The following FAM193B variants were observed in gnomAD, a reference collection of about 807,000 sequenced individuals.
FAM193B encodes the protein protein FAM193B.
A neutral mutation model predicts 70.7 loss-of-function variants in FAM193B; 27 were observed. The ratio of observed to expected loss-of-function variants is 0.38; its 90% CI spans 0.28 to 0.53. The LOEUF (loss-of-function observed/expected upper bound fraction) is 0.53. Ranked by LOEUF, FAM193B falls within the 20% of genes least tolerant of loss-of-function variation. The pLI is 0.81. For missense variants in FAM193B, 1,022 were observed against 1,072.5 expected, an observed-to-expected ratio of 0.95 and a Z score of 0.66; for synonymous variants, 448 against 436.0, an observed-to-expected ratio of 1.03 and a Z score of -0.34.
At position 177,536,504 on chromosome 5, in the gene FAM193B, G is replaced by T. The variant is rs1329757000; in HGVS notation, c.930C>A (p.Ser310=). 3.8e-6 allele frequency: 6 copies of T among 1,566,218 alleles called. No individual in the cohort carries two copies. Among genetic ancestry groups the T allele is most frequent in the African/African-American group, 2.8e-5 (2 of 72,636 alleles). Residue 310 remains serine (S), a synonymous_variant, in exon 4 of 9, where the codon TCC becomes TCA. Coordinates refer to ENST00000514747, the MANE Select transcript of FAM193B (RefSeq NM_001190946.3). ...APHTPGPCQS[S]HLPSTSMPLL... is the part of the protein sequence containing the mutation. ...GCGGCATGCTGGTGGAGGGTAGATG[G>T]GAGCTCTGACATGGCCCTGGAGTGT...
chr5:177,529,905 T>C (rs1321356195), intron 5 of FAM193B, among the ~76,000 whole-genome samples: 3 of 152,160 alleles, frequency 2.0e-5, no homozygotes, highest in African/African-American at 7.2e-5. Flanking sequence ...AAGGCAGCGG[T>C]GGGACCCCTT....
Position 177,536,692 on chromosome 5 carries a change from G to T in FAM193B, c.742C>A (p.Pro248Thr). 1 of 1,558,724 alleles carries T rather than the reference G, an allele frequency of 6.4e-7. No homozygotes were observed. The highest frequency in any genetic ancestry group is 1.2e-5 in the South Asian group (1 of 84,230). ...HHQHSDLTAP[P>T]NSPTGHHPQP... ...GGGTGGTGGCCGGTGGGGCTGTTAG[G>T]GGGAGCAGTGAGGTCTGAGTGCTGG... The change falls in exon 4 of 9, where the codon CCT becomes ACT. Residue 248 changes from proline to threonine, a missense_variant. By Grantham distance (38) the Pro-to-Thr change is conservative. Coordinates refer to ENST00000514747, the MANE Select transcript of FAM193B (RefSeq NM_001190946.3).
chr5:177,550,363 C>T (rs983709623), intron 1 of FAM193B, among the ~76,000 whole-genome samples: 1 of 152,144 alleles, frequency 6.6e-6, no homozygotes, highest in Non-Finnish European at 1.5e-5. Flanking sequence ...TAGGAACTAT[C>T]TTATCCATCT....
At chr5:177,541,939 C>A (rs747480997) in intron 1 of FAM193B, among the ~76,000 whole-genome samples, 2 of 152,160 alleles carry the variant, frequency 1.3e-5, no homozygotes, top group Non-Finnish European at 2.9e-5. Flanking sequence ...AGCTGCTATA[C>A]CGTATTGTTT....
chr5:177,532,575 G>T lies in FAM193B; in HGVS notation c.1143C>A (p.Cys381Ter). ...CCTCACCCAGCCCCTCATCTGCCTC[G>T]CAGGGCTGGGGCAGCTGGCAAGCCA... ...SGLACQLPQP[C>*]EADEGLGEEE... Residue 381 changes from cysteine to a stop codon, truncating the protein, a stop_gained, in exon 5 of 9, where the codon TGC becomes TGA. Transcript: ENST00000514747. LOFTEE classifies it high-confidence loss of function. This position sits in a 1 kb window ranked among gnomAD's most constrained non-coding sequence, Gnocchi z 4.9. 1 of 1,600,854 alleles carries T rather than the reference G, an allele frequency of 6.2e-7. No individual in the cohort carries two copies. The highest frequency in any genetic ancestry group is 8.5e-7 in the Non-Finnish European group (1 of 1,175,426).
intron 1 of FAM193B, among the ~76,000 whole-genome samples, chr5:177,539,646 G>A (rs533712220): frequency 8.5e-5 from 13 of 152,324 alleles, no homozygotes; most frequent in Admixed American, 6.5e-4. Context: ...TAGGATCGCA[G>A]CAACATTTTG....
intron 1 of FAM193B, among the ~76,000 whole-genome samples, chr5:177,547,911 G>T (rs1765656132): frequency 1.3e-5 from 2 of 152,112 alleles, no homozygotes; most frequent in South Asian, 4.1e-4. Flanking sequence ...CTGCTGTGCT[G>T]GGAGCCACCC....
chr5:177,554,073 A>T, intron 1 of FAM193B, 176 bp downstream of exon 1: 1 of 1,368,734 alleles, frequency 7.3e-7, no homozygotes, highest in Non-Finnish European at 9.5e-7. Flanking sequence ...GGCTTTGGGG[A>T]GAGGGGTCCA....
intron 8 of FAM193B, among the ~76,000 whole-genome samples, chr5:177,520,510 C>G (rs1761556525): frequency 6.6e-6 from 1 of 152,062 alleles, no homozygotes; most frequent in Non-Finnish European, 1.5e-5. Flanking sequence ...AGGTGCACAG[C>G]CCGGGGGAGG....
At chr5:177,542,731 C>T (rs1346378507) in intron 1 of FAM193B, among the ~76,000 whole-genome samples, 2 of 152,254 alleles carry the variant, frequency 1.3e-5, no homozygotes, top group Non-Finnish European at 1.5e-5. Flanking sequence ...GCTTTCTCCT[C>T]TCGTAATTCA....
rs756944430 is a variant in FAM193B, at chr5:177,536,672, G to C, written c.762C>G (p.His254Gln). 6.4e-7 allele frequency: 1 copy of C among 1,558,470 alleles called. No individual in the cohort carries two copies. The highest frequency in any genetic ancestry group is 2.4e-5 in the East Asian group (1 of 42,200). ...GGATTAGAGATGCTGGCTGCGGGTG[G>C]TGGCCGGTGGGGCTGTTAGGGGGAG... ...LTAPPNSPTG[H>Q]HPQPASLIPS... is the part of the protein sequence containing the mutation. Residue 254 changes from histidine to glutamine, a missense_variant, in exon 4 of 9, where the codon CAC becomes CAG. By Grantham distance (24) the His-to-Gln change is conservative. Transcript: ENST00000514747.
rs758996834 is a variant in FAM193B, at chr5:177,524,462, C to A, written c.2019G>T (p.Gln673His). Residue 673 changes from glutamine to histidine, a missense_variant, in exon 6 of 9, where the codon CAG becomes CAT. Physicochemically the swap from Gln to His is conservative, Grantham distance 24 (BLOSUM62 0). Coordinates refer to ENST00000514747, the MANE Select transcript of FAM193B (RefSeq NM_001190946.3). ...SAKGQVAGPK[Q>H]PGRVLELPKV... ...TGGGAAGCTCTAGGACCCTGCCTGG[C>A]TGCTTGGGGCCAGCGACCTGGCCCT... is the stretch of plus-strand genomic sequence containing the variant. 12 of 1,611,794 alleles carry A rather than the reference C, an allele frequency of 7.4e-6. 1 individual carries two copies. The South Asian group carries it at 1.3e-4, about 18-fold the overall frequency.
chr5:177,522,396 A>G (rs1490911305), intron 7 of FAM193B, among the ~76,000 whole-genome samples: 1 of 152,218 alleles, frequency 6.6e-6, no homozygotes, highest in Non-Finnish European at 1.5e-5. Flanking sequence ...GCTGGGGATT[A>G]GTTACCCAGA....
chr5:177,528,449 A>G (rs976411806), intron 5 of FAM193B, among the ~76,000 whole-genome samples: 1 of 152,066 alleles, frequency 6.6e-6, no homozygotes, highest in African/African-American at 2.4e-5. Context: ...CAAAAAAGAG[A>G]ATGGTGGACA....
In FAM193B at chr5:177,536,766, AAG is replaced by A. The variant is rs771625994; in HGVS notation, c.689-23_689-22del. 10 of 1,546,572 alleles carry A rather than the reference AAG, an allele frequency of 6.5e-6. No homozygotes were observed. The South Asian group carries it at 1.1e-4, about 17-fold the overall frequency. ...CTCACCTGTGGGCAGAGGGAGGAGAAAGGGGTCAGAATGGGAGCCCAGACCTG... is the reference window on the plus strand; with the variant it reads ...CTCACCTGTGGGCAGAGGGAGGAGAAGGGTCAGAATGGGAGCCCAGACCTG... On this transcript the variant is annotated intron_variant, in intron 3 of 8. Coordinates refer to ENST00000514747, the MANE Select transcript of FAM193B (RefSeq NM_001190946.3).
intron 1 of FAM193B, among the ~76,000 whole-genome samples, chr5:177,540,208 G>A (rs1254094337): frequency 5.9e-5 from 9 of 151,662 alleles, no homozygotes; most frequent in Non-Finnish European, 1.5e-5. Context: ...TCGGGAGGCT[G>A]GGGCAGGAGA....
At chr5:177,520,341 GCAGAGGATGCAGGTTAACGGGTTGGGAGA>G (rs1761524707) in intron 8 of FAM193B, among the ~76,000 whole-genome samples, 160 bp from the exon 9 acceptor site, 2 of 152,242 alleles carry the variant, frequency 1.3e-5, no homozygotes, top group Non-Finnish European at 2.9e-5. Context: ...ATCACCTGTA[GCAGAGGATGCAGGTTAACGGGTTGGGAGA>G]CAGAGCCCCA....
rs1374401213 is a variant in FAM193B at position 177,525,027 on chromosome 5, G to A, written c.1454C>T (p.Ser485Phe). ...LQEIKNTVKD[S>F]IRASFSVCEL... ...ACACACACTGAAGCTGGCACGGATG[G>A]AGTCTTTGACAGTGTTTTTGATCTC... is the stretch of plus-strand genomic sequence containing the variant. Residue 485 changes from serine (S) to phenylalanine (F), a missense_variant, in exon 6 of 9, where the codon TCC (serine) becomes TTC (phenylalanine). Ser to Phe is a radical substitution (Grantham distance 155). Transcript: ENST00000514747. 6.4e-7 allele frequency: 1 copy of A among 1,567,526 alleles called. No homozygotes were observed. The highest frequency in any genetic ancestry group is 2.0e-5 in the Admixed American group (1 of 50,786).
chr5:177,534,267 T>C (rs1763900593), intron 4 of FAM193B, among the ~76,000 whole-genome samples: 2 of 151,980 alleles, frequency 1.3e-5, no homozygotes, highest in African/African-American at 2.4e-5. Flanking sequence ...CAACCATTCA[T>C]TATCTATTGC....
Sources: gnomAD v4.1 joint callset for allele counts (sites outside exome capture counted in the v4.1 genomes callset) on GRCh38, gnomAD v4.1.1 for gene constraint, Gnocchi (gnomAD v3.1) non-coding constraint, MANE v1.5 for transcripts, NCBI Gene and HGNC (gene_info 2026-07-23, HGNC 2026-07-21) for gene names.